The following GABRB1 variants were observed in gnomAD, a reference collection of about 807,000 sequenced individuals.
GABRB1 encodes gamma-aminobutyric acid type A receptor subunit beta1, also known as gamma-aminobutyric acid receptor subunit beta-1.
Under a neutral mutation model 51.6 loss-of-function variants are expected in GABRB1, and 17 were observed. That is an observed-to-expected ratio of 0.33 (90% CI 0.23 to 0.49). The LOEUF is 0.49. Ranked by LOEUF, GABRB1 falls within the 20% of genes least tolerant of loss-of-function variation. The pLI, the probability that GABRB1 is intolerant of heterozygous loss-of-function variation, is 0.99. For missense variants in GABRB1, 410 were observed against 600.6 expected (o/e 0.68, Z 3.32); for synonymous variants, 247 against 218.9 (o/e 1.13, Z -1.14).
chr4:47,199,228 C>T (rs1033669038), intron 4 of GABRB1, among the ~76,000 whole-genome samples: 19 of 152,148 alleles, frequency 1.2e-4, no homozygotes, highest in African/African-American at 4.3e-4. Flanking sequence ...AAATTCTTAA[C>T]TTACTCAAAT....
intron 4 of GABRB1, among the ~76,000 whole-genome samples, chr4:47,287,225 C>G (rs1298417464): frequency 6.6e-6 from 1 of 152,168 alleles, no homozygotes; most frequent in South Asian, 2.1e-4. Context: ...ATAAATGTAG[C>G]TTTCCCCGTA....
At chr4:47,291,116 C>T (rs1723709332) in intron 4 of GABRB1, among the ~76,000 whole-genome samples, 1 of 152,110 alleles carries the variant, frequency 6.6e-6, no homozygotes, top group Non-Finnish European at 1.5e-5. Context: ...TGGGACGGGC[C>T]CAGGGTCCCC....
At chr4:47,157,439 C>T (rs1057425374) in intron 3 of GABRB1, among the ~76,000 whole-genome samples, 2 of 152,084 alleles carry the variant, frequency 1.3e-5, no homozygotes, top group African/African-American at 4.8e-5. Flanking sequence ...AAAACGAAGT[C>T]ATAGGCTTTA....
At chr4:47,251,133 A>C (rs903075411) in intron 4 of GABRB1, among the ~76,000 whole-genome samples, 3 of 152,118 alleles carry the variant, frequency 2.0e-5, no homozygotes, top group African/African-American at 7.2e-5. Flanking sequence ...TTTGTCCCAT[A>C]GGGTGTTCCC....
At chr4:47,348,849 G>A (rs1726203178) in intron 5 of GABRB1, among the ~76,000 whole-genome samples, 1 of 152,198 alleles carries the variant, frequency 6.6e-6, no homozygotes, top group Non-Finnish European at 1.5e-5. Context: ...GGACCAGGAA[G>A]AAATAATGCT....
rs572211848 is a variant in GABRB1, at chr4:47,389,587, A to G, written c.545-13731A>G. On this transcript the variant is annotated intron_variant, in intron 5 of 8. Transcript: ENST00000295454. The stretch of plus-strand genomic sequence containing the variant: ...TTGTTGCATTTTGCCTTTAACTGTG[A>G]GAATGTTTTAAAAATCTGGCTTCCA... Among the ~76,000 whole-genome samples, 39 of 152,320 alleles carry G rather than the reference A, an allele frequency of 2.6e-4. No homozygotes were observed. The South Asian group carries it at 8.1e-3, about 32-fold the overall frequency.
chr4:47,050,875 A>G (rs1299488493), intron 3 of GABRB1, among the ~76,000 whole-genome samples: 1 of 152,040 alleles, frequency 6.6e-6, no homozygotes, highest in Non-Finnish European at 1.5e-5. Context: ...ATGGTTCCTT[A>G]ATTGACTAGT....
chr4:47,025,763 G>C (rs1369875630), intron 1 of GABRB1, among the ~76,000 whole-genome samples: 1 of 151,816 alleles, frequency 6.6e-6, no homozygotes, highest in Non-Finnish European at 1.5e-5. Flanking sequence ...GTCTTGCTTA[G>C]CTATAAATTG....
chr4:47,362,890 A>G (rs1396718305), intron 5 of GABRB1, among the ~76,000 whole-genome samples: 1 of 152,172 alleles, frequency 6.6e-6, no homozygotes, highest in Non-Finnish European at 1.5e-5. Flanking sequence ...ATCAAATAAC[A>G]AGAAATGAAT....
At chr4:47,119,131 T>C (rs1207520967) in intron 3 of GABRB1, among the ~76,000 whole-genome samples, 4 of 152,124 alleles carry the variant, frequency 2.6e-5, no homozygotes, top group Non-Finnish European at 5.9e-5. Context: ...TCTATCTATC[T>C]ATAACCACAT....
upstream of GABRB1, among the ~76,000 whole-genome samples, chr4:47,028,693 C>A (rs1267845416): frequency 3.3e-5 from 5 of 150,426 alleles, no homozygotes; most frequent in Admixed American, 6.6e-5. Context: ...AGTGTGGTAT[C>A]CTTCTTATTT....
At chr4:47,064,540 A>C (rs1362084776) in intron 3 of GABRB1, among the ~76,000 whole-genome samples, 1 of 147,732 alleles carries the variant, frequency 6.8e-6, no homozygotes, top group African/African-American at 2.5e-5. Context: ...CGGGAGGCTG[A>C]GGCTGCAGAA....
At chr4:47,079,836 T>C (rs1577888827) in intron 3 of GABRB1, among the ~76,000 whole-genome samples, 1 of 100,292 alleles carries the variant, frequency 1.0e-5, no homozygotes, top group South Asian at 4.1e-4. Flanking sequence ...CATCACACAC[T>C]GGGGCCTGTT....
chr4:47,250,428 C>A (rs538574672), intron 4 of GABRB1, among the ~76,000 whole-genome samples: 1 of 152,262 alleles, frequency 6.6e-6, no homozygotes, highest in African/African-American at 2.4e-5. Context: ...GACAATGTGC[C>A]TAGGCAAAGA....
upstream of GABRB1, among the ~76,000 whole-genome samples, chr4:47,030,418 T>C (rs147493963): frequency 2.0e-3 from 303 of 152,294 alleles, 1 homozygote; most frequent in Admixed American, 0.017. Flanking sequence ...AGCTGTCTCC[T>C]CTTTCCCTCA....
intron 3 of GABRB1, among the ~76,000 whole-genome samples, chr4:47,094,722 C>T (rs540175268): frequency 6.6e-5 from 10 of 150,470 alleles, no homozygotes; most frequent in Non-Finnish European, 1.5e-4. Flanking sequence ...ACACGTTTAC[C>T]TATGTAACAA....
At chr4:47,008,981 A>G (rs1234146049) in intron 1 of GABRB1, among the ~76,000 whole-genome samples, 1 of 142,214 alleles carries the variant, frequency 7.0e-6, no homozygotes, top group Non-Finnish European at 1.5e-5. Context: ...CTCCTGCCTC[A>G]GCCTCCCGAG....
chr4:47,014,605 A>T (rs149754366), intron 1 of GABRB1, among the ~76,000 whole-genome samples: 1 of 152,188 alleles, frequency 6.6e-6, no homozygotes, highest in East Asian at 1.9e-4. Context: ...ATTTAATTTA[A>T]CTCTGACACT....
At chr4:47,238,320 A>T (rs886236435) in intron 4 of GABRB1, among the ~76,000 whole-genome samples, 1 of 152,088 alleles carries the variant, frequency 6.6e-6, no homozygotes, top group Non-Finnish European at 1.5e-5. Context: ...TCCTTTTTTT[A>T]AATTATCAAA....
Sources: gnomAD v4.1 joint callset for allele counts (sites outside exome capture counted in the v4.1 genomes callset) on GRCh38, gnomAD v4.1.1 for gene constraint, MANE v1.5 for transcripts, NCBI Gene and HGNC (gene_info 2026-07-23, HGNC 2026-07-21) for gene names.